CATSPERE: variants seen among roughly 807,000 people sequenced by gnomAD.
The protein encoded by CATSPERE is catsper channel auxiliary subunit epsilon.
In CATSPERE, 93 loss-of-function variants were observed where a neutral mutation model predicts 114.1. The observed-to-expected ratio is 0.81, with a 90% CI of 0.69 to 0.97. The LOEUF (loss-of-function observed/expected upper bound fraction) is 0.97. Ranked by LOEUF, CATSPERE falls within the 50% of genes least tolerant of loss-of-function variation. The probability of loss-of-function intolerance (pLI) is 0.00; values close to 1 mark genes in which losing one functional copy is unlikely to be tolerated. For missense variants in CATSPERE, 1,058 were observed against 1,131.6 expected (o/e 0.93, Z 0.93); for synonymous variants, 341 against 384.1 (o/e 0.89, Z 1.31).
chr1:244,503,535 C>T (rs1389741930), intron 7 of CATSPERE, among the ~76,000 whole-genome samples: 1 of 152,188 alleles, frequency 6.6e-6, no homozygotes, highest in Non-Finnish European at 1.5e-5. Context: ...CTCTGTGCCA[C>T]GTTTGGCTCA....
chr1:244,476,691 C>T (rs1242908530), intron 2 of CATSPERE, among the ~76,000 whole-genome samples: 1 of 152,082 alleles, frequency 6.6e-6, no homozygotes, highest in Non-Finnish European at 1.5e-5. Flanking sequence ...TGAGTTACAA[C>T]TCTGGCTGAA....
intron 5 of CATSPERE, among the ~76,000 whole-genome samples, chr1:244,484,382 G>A (rs1438722556): frequency 6.6e-6 from 1 of 152,158 alleles, no homozygotes; most frequent in Non-Finnish European, 1.5e-5. Flanking sequence ...ACACAATATT[G>A]AAGAAGAGAA....
chr1:244,636,634 T>C (rs1674659352), intron 21 of CATSPERE: 1 of 152,710 alleles, frequency 6.5e-6, no homozygotes, highest in Non-Finnish European at 1.5e-5. Flanking sequence ...TCAAGTGAGT[T>C]AGCCAGGAGA....
chr1:244,461,323 C>G lies in CATSPERE; in HGVS notation c.-107C>G. 2.0e-6 allele frequency: 2 copies of G among 998,770 alleles called. No homozygotes were observed. The highest frequency in any genetic ancestry group is 2.6e-6 in the Non-Finnish European group (2 of 761,620). 61.9% of individuals were successfully genotyped at this position (998,770 alleles called of 1,614,324 possible). A position where few individuals can be genotyped will look rare whatever the true frequency, so the allele number is the denominator to read the frequency against. On this transcript the variant is annotated 5_prime_UTR_variant, in exon 1 of 22. Coordinates refer to ENST00000366534, the MANE Select transcript of CATSPERE (RefSeq NM_001130957.2). ...GCCCGGCCCGCCCTGTCCAGAGGCG[C>G]CGGGACCCAGGCGCCTGCAGCCGCC...
intron 5 of CATSPERE, among the ~76,000 whole-genome samples, chr1:244,484,060 C>A (rs1191621914): frequency 6.6e-6 from 1 of 152,080 alleles, no homozygotes; most frequent in African/African-American, 2.4e-5. Context: ...AATGCATAAT[C>A]TATTTATCCA....
At chr1:244,451,821 T>G, upstream of CATSPERE, 1 of 1,575,112 alleles carries the variant, frequency 6.3e-7, no homozygotes, top group Non-Finnish European at 8.6e-7. This position sits in a 1 kb window ranked among gnomAD's most constrained non-coding sequence, Gnocchi z 6.6. Flanking sequence ...ACGCCATGGC[T>G]CCAGTGACGC....
chr1:244,469,534 A>G (rs1018092541), intron 2 of CATSPERE, among the ~76,000 whole-genome samples: 4 of 152,218 alleles, frequency 2.6e-5, no homozygotes, highest in Non-Finnish European at 4.4e-5. Context: ...AGCCAGGGCA[A>G]TAATGCAAGA....
Position 244,461,434 on chromosome 1 carries a change from C to T in CATSPERE, c.5C>T (p.Ser2Leu). The T allele has an allele frequency of 2.9e-6, 4 of 1,382,280 alleles. No individual in the cohort carries two copies. The highest frequency in any genetic ancestry group is 1.8e-5 in the South Asian group (1 of 57,006). 85.6% of individuals were successfully genotyped at this position (1,382,280 alleles called of 1,614,324 possible). ...GGCGGAGGCGGAGCAGGCGCCATGTCAGCCCGGGAAGTGGCCGTGCTGCTG... is the reference window on the plus strand; with the variant it reads ...GGCGGAGGCGGAGCAGGCGCCATGTTAGCCCGGGAAGTGGCCGTGCTGCTG... Reference protein sequence around the residue: MSAREVAVLLLW... With the variant: MLAREVAVLLLW... The change falls in exon 1 of 22, where the codon TCA becomes TTA. Residue 2 changes from serine (S) to leucine (L), a missense_variant. Around this residue, in one of 2 missense-constraint regions of CATSPERE, gnomAD observed 271 missense variants for 225.9 expected, o/e 1.20. Coordinates refer to ENST00000366534, the MANE Select transcript of CATSPERE (RefSeq NM_001130957.2).
chr1:244,515,627 G>A (rs1676489459), intron 7 of CATSPERE, among the ~76,000 whole-genome samples: 2 of 152,262 alleles, frequency 1.3e-5, no homozygotes, highest in African/African-American at 4.8e-5. Flanking sequence ...GCCAGACCCT[G>A]GGAACCATTA....
rs1156892430 is a variant in CATSPERE at position 244,560,575 on chromosome 1, AT to A, written c.1030-92del. On this transcript the variant is annotated intron_variant, in intron 9 of 21. Transcript: ENST00000366534. ...ACCTATTGAAAGAAAATTTAAAAAA[AT>A]AAAAAATAAAATTTAAATTTTAAAA... is the stretch of plus-strand genomic sequence containing the variant. The A allele has an allele frequency of 7.3e-5, 53 of 725,296 alleles. No individual in the cohort carries two copies. In the Middle Eastern group the frequency reaches 1.3e-3, roughly 18 times the overall value. 44.9% of individuals were successfully genotyped at this position (725,296 alleles called of 1,614,324 possible).
chr1:244,541,202 C>T (rs902207502), intron 8 of CATSPERE, among the ~76,000 whole-genome samples: 2 of 150,340 alleles, frequency 1.3e-5, no homozygotes, highest in Non-Finnish European at 3.0e-5. Context: ...AAGAAACTAC[C>T]ATCAGAGTGA....
At chr1:244,521,691 C>G (rs3003267) in intron 8 of CATSPERE, among the ~76,000 whole-genome samples, 1 of 152,036 alleles carries the variant, frequency 6.6e-6, no homozygotes, top group African/African-American at 2.4e-5. Context: ...TATAGAATAT[C>G]TTTATTGTCT....
At chr1:244,531,235 CAAAAAAAAAA>C (rs60936159) in intron 8 of CATSPERE, among the ~76,000 whole-genome samples, 8,282 of 60,506 alleles carry the variant, frequency 0.14, 307 homozygotes, top group Non-Finnish European at 0.18. Flanking sequence ...GACTCAGTCT[CAAAAAAAAAA>C]AAAAAAAAAA....
intron 20 of CATSPERE, among the ~76,000 whole-genome samples, chr1:244,621,009 TATATATAAA>T (rs869278885): frequency 8.3e-6 from 1 of 120,196 alleles, no homozygotes; most frequent in Non-Finnish European, 1.6e-5. Flanking sequence ...TTAAAATATA[TATATATAAA>T]ATATATATAA....
At chr1:244,564,795 G>A (rs941823168) in intron 10 of CATSPERE, among the ~76,000 whole-genome samples, 4 of 152,178 alleles carry the variant, frequency 2.6e-5, no homozygotes, top group Admixed American at 2.0e-4. Flanking sequence ...TTGAATAGGA[G>A]TGGTGAGAGA....
Position 244,493,236 on chromosome 1 carries a change from T to G in CATSPERE, c.351+2765T>G, listed in dbSNP as rs1392025190. Reference sequence around the variant, plus strand: ...TACAGTAACCAAAACAGCATGGTACTGGTACCAAAACAGAGATATAGATCA... The same window carrying G: ...TACAGTAACCAAAACAGCATGGTACGGGTACCAAAACAGAGATATAGATCA... On this transcript the variant is annotated intron_variant, in intron 6 of 21. Transcript: ENST00000366534. Among the ~76,000 whole-genome samples the G allele has an allele frequency of 3.3e-5, 5 of 152,210 alleles. No homozygotes were observed. The East Asian group carries it at 7.7e-4, about 23-fold the overall frequency.
chr1:244,461,803 T>C (rs1367002123), intron 1 of CATSPERE, among the ~76,000 whole-genome samples: 1 of 152,204 alleles, frequency 6.6e-6, no homozygotes, highest in Non-Finnish European at 1.5e-5. Flanking sequence ...TTTTTGTTTG[T>C]TTAGGGCGGG....
chr1:244,489,450 A>ATTTTTTTTTTTTTTT (rs10524749), intron 5 of CATSPERE, among the ~76,000 whole-genome samples: 3 of 85,542 alleles, frequency 3.5e-5, no homozygotes, highest in Admixed American at 1.6e-4. Flanking sequence ...AAGCATGCAG[A>ATTTTTTTTTTTTTTT]TTTTTTTTTT....
chr1:244,592,897 CAG>C (rs1667907015), intron 15 of CATSPERE, among the ~76,000 whole-genome samples: 1 of 152,132 alleles, frequency 6.6e-6, no homozygotes, highest in Non-Finnish European at 1.5e-5. Context: ...ACTGAGAAGA[CAG>C]GGAATGTGGG....
Sources: allele counts gnomAD v4.1 joint callset (sites outside exome capture counted in the v4.1 genomes callset), GRCh38; gene constraint gnomAD v4.1.1; regional missense constraint gnomAD v4.1.1; non-coding constraint Gnocchi (gnomAD v3.1); transcripts MANE v1.5; gene names NCBI Gene and HGNC (gene_info 2026-07-23, HGNC 2026-07-21).